The following CDC42BPA variants were observed in gnomAD, a reference collection of about 807,000 sequenced individuals.
The protein encoded by CDC42BPA is CDC42 binding protein kinase alpha.
CDC42BPA carries 80 observed loss-of-function variants against 223.5 expected under a neutral mutation model. That is an observed-to-expected ratio of 0.36 (90% CI 0.30 to 0.43). The LOEUF (loss-of-function observed/expected upper bound fraction) is 0.43. Among genes scored for constraint, CDC42BPA ranks in the 20% least tolerant of loss-of-function variants. The pLI is 1.00. For synonymous variants in CDC42BPA, 694 were observed against 718.6 expected (o/e 0.97, Z 0.55); for missense variants, 1,743 against 2,099.9 (o/e 0.83, Z 3.32).
intron 1 of CDC42BPA, among the ~76,000 whole-genome samples, chr1:227,311,708 T>C (rs1435712871): frequency 6.7e-6 from 1 of 149,442 alleles, no homozygotes; most frequent in Non-Finnish European, 1.5e-5. Context: ...TTCTTTTAAA[T>C]TAAAAATACC....
intron 15 of CDC42BPA, among the ~76,000 whole-genome samples, chr1:227,094,113 A>C (rs74840653): frequency 0.054 from 8,259 of 152,342 alleles, 251 homozygotes; most frequent in Non-Finnish European, 0.073. Context: ...TGAAGGTGTT[A>C]AAGCATTTTG....
At chr1:227,267,894 G>C (rs1572739041) in intron 1 of CDC42BPA, among the ~76,000 whole-genome samples, 1 of 151,992 alleles carries the variant, frequency 6.6e-6, no homozygotes, top group East Asian at 1.9e-4. Context: ...ATTCGGGTGG[G>C]GACACAGAGC....
At chr1:227,116,557 A>G (rs1240502118) in intron 12 of CDC42BPA, among the ~76,000 whole-genome samples, 1 of 152,218 alleles carries the variant, frequency 6.6e-6, no homozygotes, top group African/African-American at 2.4e-5. Flanking sequence ...GGTTCTAGCT[A>G]ATACAGTAAA....
chr1:227,166,790 C>T (rs762392873), intron 5 of CDC42BPA, among the ~76,000 whole-genome samples: 3 of 152,102 alleles, frequency 2.0e-5, no homozygotes, highest in Admixed American at 6.6e-5. Context: ...AATGCCTCTG[C>T]TGACCAACAT....
Position 227,260,519 on chromosome 1 carries a change from T to C in CDC42BPA, c.179-6364A>G, listed in dbSNP as rs780788610. On this transcript the variant is annotated intron_variant, in intron 1 of 36. Coordinates refer to ENST00000366766, the MANE Select transcript of CDC42BPA (RefSeq NM_001394014.1). ...AACTACTGGCCAGGTGGTAGGAACA[T>C]AGATTGCAAGCCACTAGTGATAGCT... Among the ~76,000 whole-genome samples, 90 of 150,162 alleles carry C rather than the reference T, an allele frequency of 6.0e-4. 1 individual carries two copies. The highest frequency in any genetic ancestry group is 8.5e-4 in the Non-Finnish European group (58 of 67,982).
intron 16 of CDC42BPA, among the ~76,000 whole-genome samples, chr1:227,089,304 C>T (rs1682597241): frequency 6.6e-6 from 1 of 152,160 alleles, no homozygotes; most frequent in African/African-American, 2.4e-5. Context: ...AAACTACCCA[C>T]TTCTAACCAA....
chr1:227,033,045 C>G (rs1669597494), intron 27 of CDC42BPA, among the ~76,000 whole-genome samples: 1 of 152,136 alleles, frequency 6.6e-6, no homozygotes, highest in African/African-American at 2.4e-5. Context: ...TCACACTTAT[C>G]TAATTTTCCA....
chr1:227,084,265 C>T (rs575143109), intron 16 of CDC42BPA, among the ~76,000 whole-genome samples: 9 of 152,164 alleles, frequency 5.9e-5, no homozygotes, highest in Admixed American at 3.3e-4. Context: ...TGGTGGCTCA[C>T]GCCTGCAATC....
intron 5 of CDC42BPA, among the ~76,000 whole-genome samples, chr1:227,161,440 T>C (rs1266347567): frequency 6.6e-6 from 1 of 152,208 alleles, no homozygotes; most frequent in South Asian, 2.1e-4. Context: ...GGAGAACCTA[T>C]ATATTTTTTA....
chr1:227,053,917 G>T (rs1031200882), intron 21 of CDC42BPA, among the ~76,000 whole-genome samples: 2 of 152,148 alleles, frequency 1.3e-5, no homozygotes, highest in Non-Finnish European at 1.5e-5. Flanking sequence ...GTTTTCATAA[G>T]ATTATACACA....
intron 2 of CDC42BPA, among the ~76,000 whole-genome samples, chr1:227,228,546 G>C (rs7540391): frequency 0.83 from 126,538 of 152,236 alleles, 52,743 homozygotes; most frequent in South Asian, 0.88. Flanking sequence ...TTGTACACAT[G>C]TCGGAGTAGA....
chr1:227,180,129 G>A (rs909209500), intron 5 of CDC42BPA, among the ~76,000 whole-genome samples: 10 of 152,128 alleles, frequency 6.6e-5, no homozygotes, highest in African/African-American at 1.9e-4. Flanking sequence ...TCGCTTGAAC[G>A]CAGGAGGCAG....
intron 2 of CDC42BPA, among the ~76,000 whole-genome samples, chr1:227,240,104 C>T (rs1042802465): frequency 1.2e-4 from 18 of 151,796 alleles, no homozygotes; most frequent in African/African-American, 4.1e-4. Flanking sequence ...AAGTCTGATA[C>T]AAAAATCAAC....
At chr1:227,138,330 T>C (rs944433989) in intron 10 of CDC42BPA, among the ~76,000 whole-genome samples, 1 of 152,016 alleles carries the variant, frequency 6.6e-6, no homozygotes, top group Non-Finnish European at 1.5e-5. Flanking sequence ...ACTGGGGATA[T>C]ATATATGATT....
chr1:227,010,757 A>C, intron 34 of CDC42BPA: 1 of 344,210 alleles, frequency 2.9e-6, no homozygotes, highest in Non-Finnish European at 4.8e-6. Context: ...GCAGAAGAGA[A>C]ATAGGCCAAA....
At chr1:227,045,241 A>G (rs1672199750) in intron 23 of CDC42BPA, among the ~76,000 whole-genome samples, 1 of 152,194 alleles carries the variant, frequency 6.6e-6, no homozygotes, top group Admixed American at 6.5e-5. Flanking sequence ...CCCCCCTGCA[A>G]CTCGATGGGA....
intron 5 of CDC42BPA, among the ~76,000 whole-genome samples, chr1:227,177,010 G>T (rs1572154975): frequency 6.7e-6 from 1 of 148,812 alleles, no homozygotes; most frequent in Non-Finnish European, 1.5e-5. Context: ...AATTATTCTA[G>T]AATTTGTTTA....
At chr1:227,221,183 T>C (rs1461723996) in intron 2 of CDC42BPA, among the ~76,000 whole-genome samples, 1 of 152,244 alleles carries the variant, frequency 6.6e-6, no homozygotes, top group East Asian at 1.9e-4. Context: ...TGACAATTAA[T>C]ATACTTCTCT....
intron 2 of CDC42BPA, among the ~76,000 whole-genome samples, chr1:227,243,394 C>T (rs1680344621): frequency 7.5e-6 from 1 of 132,930 alleles, no homozygotes; most frequent in Admixed American, 7.8e-5. Context: ...CATAGGGGCC[C>T]AACTTAAAAG....
Sources: gnomAD v4.1 joint callset for allele counts (sites outside exome capture counted in the v4.1 genomes callset) on GRCh38, gnomAD v4.1.1 for gene constraint, MANE v1.5 for transcripts, NCBI Gene and HGNC (gene_info 2026-07-23, HGNC 2026-07-21) for gene names.